The following GMDS variants were observed in gnomAD, a reference collection of about 807,000 sequenced individuals.
GMDS encodes the protein GDP-mannose 4,6 dehydratase.
Under a neutral mutation model 49.9 loss-of-function variants are expected in GMDS, and 20 were observed. The observed-to-expected ratio is 0.40, with a 90% CI of 0.28 to 0.58. GMDS has a LOEUF of 0.58. GMDS is among the 20% of genes least tolerant of loss of function. The pLI, the probability that GMDS is intolerant of heterozygous loss-of-function variation, is 0.42. For synonymous variants in GMDS, 177 were observed against 178.6 expected, an observed-to-expected ratio of 0.99 and a Z score of 0.07; for missense variants, 362 against 481.4, an observed-to-expected ratio of 0.75 and a Z score of 2.32.
At chr6:2,105,966 T>A (rs1562059813) in intron 4 of GMDS, among the ~76,000 whole-genome samples, 1 of 152,206 alleles carries the variant, frequency 6.6e-6, no homozygotes. Flanking sequence ...TTCTAAAGAA[T>A]CAGTCTCTTA....
intron 7 of GMDS, among the ~76,000 whole-genome samples, chr6:1,899,940 C>G (rs1760414778): frequency 6.6e-6 from 1 of 150,832 alleles, no homozygotes; most frequent in South Asian, 2.1e-4. Context: ...AAAGTCCACA[C>G]ATCTGCCTAC....
intron 7 of GMDS, among the ~76,000 whole-genome samples, chr6:1,898,240 C>T (rs1760319133): frequency 6.6e-6 from 1 of 152,258 alleles, no homozygotes; most frequent in African/African-American, 2.4e-5. Flanking sequence ...ACCCTGGAGG[C>T]CTTTCCCCTG....
chr6:1,723,254 T>G (rs1180482538), intron 9 of GMDS, among the ~76,000 whole-genome samples: 1 of 151,754 alleles, frequency 6.6e-6, no homozygotes, highest in Non-Finnish European at 1.5e-5. Context: ...TATTTCCCTT[T>G]AGTCTTGCTG....
At chr6:1,656,956 G>C (rs76955792) in intron 9 of GMDS, among the ~76,000 whole-genome samples, 3,543 of 152,228 alleles carry the variant, frequency 0.023, 113 homozygotes, top group African/African-American at 0.08. Context: ...ACTGAAGTCT[G>C]GCGCCAAGAG....
chr6:1,670,536 G>C (rs748726971), intron 9 of GMDS, among the ~76,000 whole-genome samples: 1 of 151,882 alleles, frequency 6.6e-6, no homozygotes, highest in Non-Finnish European at 1.5e-5. Flanking sequence ...ATATGTAAAA[G>C]AAATTGGCTT....
intron 4 of GMDS, among the ~76,000 whole-genome samples, chr6:2,067,023 T>G (rs1050002389): frequency 6.6e-6 from 1 of 151,398 alleles, no homozygotes; most frequent in African/African-American, 2.4e-5. Context: ...AGTAAAGCTC[T>G]CCTCAGCAAA....
chr6:1,789,938 T>C (rs529850557), intron 7 of GMDS, among the ~76,000 whole-genome samples: 7 of 152,374 alleles, frequency 4.6e-5, no homozygotes, highest in South Asian at 2.1e-4. Flanking sequence ...ATCACACTTA[T>C]ATTTATGAGC....
At chr6:1,851,245 G>A (rs1581255624) in intron 7 of GMDS, among the ~76,000 whole-genome samples, 1 of 152,202 alleles carries the variant, frequency 6.6e-6, no homozygotes, top group African/African-American at 2.4e-5. Context: ...CCCAAACAAC[G>A]AGGGGAAAGG....
chr6:2,172,418 C>A (rs745459163), intron 1 of GMDS, among the ~76,000 whole-genome samples: 1 of 152,144 alleles, frequency 6.6e-6, no homozygotes, highest in Admixed American at 6.5e-5. Context: ...TATGGCCGGG[C>A]GCAGTGGCTC....
chr6:1,947,298 T>A (rs1763114482), intron 6 of GMDS, among the ~76,000 whole-genome samples: 1 of 152,130 alleles, frequency 6.6e-6, no homozygotes, highest in South Asian at 2.1e-4. Flanking sequence ...TCAAAAAACA[T>A]TTATCAGTGT....
At chr6:1,652,719 T>TATAGAG (rs1561701864) in intron 9 of GMDS, among the ~76,000 whole-genome samples, 1 of 11,086 alleles carries the variant, frequency 9.0e-5, no homozygotes, top group African/African-American at 3.2e-4. Flanking sequence ...TATATATATA[T>TATAGAG]AGAGAGAGAG....
chr6:1,645,760 G>A (rs1763465485), intron 9 of GMDS, among the ~76,000 whole-genome samples: 1 of 152,206 alleles, frequency 6.6e-6, no homozygotes, highest in African/African-American at 2.4e-5. Flanking sequence ...TGCAGCCAGT[G>A]CCCATGGCCA....
At chr6:2,156,003 T>C (rs996800267) in intron 1 of GMDS, among the ~76,000 whole-genome samples, 1 of 152,186 alleles carries the variant, frequency 6.6e-6, no homozygotes, top group African/African-American at 2.4e-5. Flanking sequence ...TTTTTACATT[T>C]ATTAGACTTG....
intron 1 of GMDS, among the ~76,000 whole-genome samples, chr6:2,201,232 A>C (rs1204844140): frequency 1.4e-5 from 2 of 140,448 alleles, no homozygotes; most frequent in Non-Finnish European, 3.1e-5. Flanking sequence ...AGATGTAACA[A>C]CCATCTAGGC....
At chr6:1,939,487 G>A (rs1365093180) in intron 6 of GMDS, among the ~76,000 whole-genome samples, 2 of 151,294 alleles carry the variant, frequency 1.3e-5, no homozygotes, top group Non-Finnish European at 2.9e-5. Flanking sequence ...AAAGACCCAA[G>A]GATATACATA....
Position 2,115,793 on chromosome 6 carries a change from A to G in GMDS, c.323T>C (p.Leu108Pro). The G allele has an allele frequency of 6.3e-7, 1 of 1,596,374 alleles. No individual in the cohort carries two copies. Among genetic ancestry groups the G allele is most frequent in the African/African-American group, 1.3e-5 (1 of 74,712 alleles). ...NEVKPTEIYN[L>P]GAQSHVKISF... is the part of the protein sequence containing the mutation. ...TACTTTGACGTGGCTCTGGGCTCCA[A>G]GGTTGTAGATCTCTGTGGGCTTTAC... The change falls in exon 4 of 11, where the codon CTT (leucine) becomes CCT (proline). Residue 108 changes from leucine (L) to proline (P), a missense_variant. Physicochemically the swap from Leu to Pro is moderately conservative, Grantham distance 98 (BLOSUM62 -3). Coordinates refer to ENST00000380815, the MANE Select transcript of GMDS (RefSeq NM_001500.4).
At chr6:1,738,172 T>TAC (rs1224645304) in intron 8 of GMDS, among the ~76,000 whole-genome samples, 1 of 135,628 alleles carries the variant, frequency 7.4e-6, no homozygotes, top group East Asian at 2.2e-4. Context: ...CACAGACACA[T>TAC]ACACACACAC....
intron 4 of GMDS, among the ~76,000 whole-genome samples, chr6:1,995,837 G>A (rs1484234976): frequency 6.6e-6 from 1 of 152,080 alleles, no homozygotes. Context: ...CCTCTTTCTG[G>A]TCCTGCTTAA....
intron 7 of GMDS, among the ~76,000 whole-genome samples, chr6:1,818,027 C>T (rs1299194919): frequency 6.6e-6 from 1 of 152,058 alleles, no homozygotes; most frequent in African/African-American, 2.4e-5. Context: ...TAAAAGTATG[C>T]CCCATAATCA....
Sources: allele counts gnomAD v4.1 joint callset (sites outside exome capture counted in the v4.1 genomes callset), GRCh38; gene constraint gnomAD v4.1.1; transcripts MANE v1.5; gene names NCBI Gene and HGNC (gene_info 2026-07-23, HGNC 2026-07-21).